LINGO2: variants seen among roughly 807,000 people sequenced by gnomAD.
The protein encoded by LINGO2 is leucine rich repeat and Ig domain containing 2, also known as leucine-rich repeat and immunoglobulin-like domain-containing nogo receptor-interacting protein 2.
A neutral mutation model predicts 30.6 loss-of-function variants in LINGO2; 14 were observed. The ratio of observed to expected loss-of-function variants is 0.46; its 90% CI spans 0.30 to 0.72. The LOEUF (loss-of-function observed/expected upper bound fraction) is 0.72. LINGO2 is among the 30% of genes least tolerant of loss of function. The probability of loss-of-function intolerance (pLI) is 0.07; values close to 1 mark genes in which losing one functional copy is unlikely to be tolerated. For synonymous variants in LINGO2, 317 were observed against 288.5 expected (o/e 1.10, Z -1.00); for missense variants, 729 against 751.7 (o/e 0.97, Z 0.35).
At chr9:28,882,819 T>C in the LINGO2 span, among the ~76,000 whole-genome samples, 1 of 152,120 alleles carries the variant, frequency 6.6e-6, no homozygotes, top group African/African-American at 2.4e-5. Flanking sequence ...TAATTTTCAT[T>C]CCCTAAATGT....
chr9:28,539,447 C>G (rs1821581138), intron 1 of LINGO2, among the ~76,000 whole-genome samples: 1 of 151,914 alleles, frequency 6.6e-6, no homozygotes, highest in Non-Finnish European at 1.5e-5. Flanking sequence ...TAAATGAACA[C>G]ACATTATGTT....
At chr9:28,238,150 A>AG (rs1821647171) in intron 4 of LINGO2, among the ~76,000 whole-genome samples, 1 of 144,524 alleles carries the variant, frequency 6.9e-6, no homozygotes. Flanking sequence ...TATTAGAACT[A>AG]AAGAGAGAGA....
the LINGO2 span, among the ~76,000 whole-genome samples, chr9:28,717,452 G>A: frequency 1.3e-5 from 2 of 151,956 alleles, no homozygotes; most frequent in African/African-American, 4.8e-5. Flanking sequence ...TGAGGTAAGT[G>A]GAGATAGGGA....
At position 28,330,080 on chromosome 9, in the gene LINGO2, C is replaced by T. The variant is rs12238588; in HGVS notation, c.-245-34714G>A. On this transcript the variant is annotated intron_variant, in intron 3 of 5. Coordinates refer to ENST00000379992, the Ensembl canonical transcript of LINGO2. ...AATCAGGTCATGAGAATGGCACCCTCATGATGGAATTAGTAACTTTATAAG... is the reference window on the plus strand; with the variant it reads ...AATCAGGTCATGAGAATGGCACCCTTATGATGGAATTAGTAACTTTATAAG... Among the ~76,000 whole-genome samples the T allele has an allele frequency of 5.8e-3, 882 of 152,178 alleles. 56 individuals are homozygous for T. In the East Asian group the frequency reaches 0.14, roughly 23 times the overall value.
At chr9:28,884,244 T>C in the LINGO2 span, among the ~76,000 whole-genome samples, 1 of 152,180 alleles carries the variant, frequency 6.6e-6, no homozygotes, top group Non-Finnish European at 1.5e-5. Flanking sequence ...CAGTCTGCTC[T>C]TTTTTCCAAA....
chr9:28,951,574 C>T, the LINGO2 span, among the ~76,000 whole-genome samples: 9 of 152,220 alleles, frequency 5.9e-5, no homozygotes, highest in East Asian at 1.9e-4. Flanking sequence ...CCAGGTGGCT[C>T]GTATCCCATC....
intron 5 of LINGO2, among the ~76,000 whole-genome samples, chr9:27,981,680 T>C (rs746367570): frequency 2.6e-5 from 4 of 151,568 alleles, no homozygotes; most frequent in South Asian, 2.1e-4. Context: ...AGAGCAGATC[T>C]TCATTGTCCA....
intron 5 of LINGO2, among the ~76,000 whole-genome samples, chr9:28,000,601 C>T (rs542664509): frequency 1.3e-5 from 2 of 152,270 alleles, no homozygotes; most frequent in South Asian, 2.1e-4. Flanking sequence ...ATTCCTGACA[C>T]CATATTCAAT....
chr9:28,304,193 T>C (rs1824254386), intron 3 of LINGO2, among the ~76,000 whole-genome samples: 1 of 151,406 alleles, frequency 6.6e-6, no homozygotes. Context: ...AAAAAATCCT[T>C]ACTGATACAG....
At chr9:28,160,879 C>G (rs1278018214) in intron 4 of LINGO2, among the ~76,000 whole-genome samples, 1 of 152,136 alleles carries the variant, frequency 6.6e-6, no homozygotes, top group Admixed American at 6.6e-5. Context: ...CTTAGCTACT[C>G]TTGCCCACCA....
the LINGO2 span, among the ~76,000 whole-genome samples, chr9:28,909,391 T>C: frequency 6.6e-6 from 1 of 151,998 alleles, no homozygotes; most frequent in African/African-American, 2.4e-5. Context: ...AAAGTAATTC[T>C]ATAATGTAGA....
At chr9:29,195,814 T>C in the LINGO2 span, among the ~76,000 whole-genome samples, 1 of 152,160 alleles carries the variant, frequency 6.6e-6, no homozygotes, top group African/African-American at 2.4e-5. Context: ...TGCAGTCCTG[T>C]GTTATAAAAA....
chr9:28,271,171 C>A lies in LINGO2; in HGVS notation c.-87+24037G>T, dbSNP rs550224528. The stretch of plus-strand genomic sequence containing the variant: ...AAGAAAAAAGTAAAAAAAAAAAACA[C>A]AAAAAACTTAGAACTTTGTAATTTA... On this transcript the variant is annotated intron_variant, in intron 4 of 5. Coordinates refer to ENST00000379992, the Ensembl canonical transcript of LINGO2. 5.3e-5 allele frequency among the ~76,000 whole-genome samples: 8 copies of A among 151,070 alleles called. No homozygotes were observed. In the East Asian group the frequency reaches 5.8e-4, roughly 11 times the overall value.
intron 1 of LINGO2, among the ~76,000 whole-genome samples, chr9:28,556,552 G>A (rs547903653): frequency 2.0e-5 from 3 of 151,992 alleles, no homozygotes; most frequent in African/African-American, 4.8e-5. Context: ...AATCAATATC[G>A]TGAAAATGGC....
intron 3 of LINGO2, among the ~76,000 whole-genome samples, chr9:28,354,956 T>G (rs1820108522): frequency 6.6e-6 from 1 of 152,138 alleles, no homozygotes; most frequent in African/African-American, 2.4e-5. Context: ...TACTGAAAAC[T>G]GGAGCCTTTT....
intron 5 of LINGO2, among the ~76,000 whole-genome samples, chr9:27,970,734 C>A (rs1233967468): frequency 1.3e-5 from 2 of 152,066 alleles, no homozygotes; most frequent in African/African-American, 4.8e-5. Flanking sequence ...TTCTTATCAA[C>A]ATTGTTCTAA....
intron 2 of LINGO2, among the ~76,000 whole-genome samples, chr9:28,462,749 A>T: frequency 6.6e-6 from 1 of 152,084 alleles, no homozygotes; most frequent in East Asian, 1.9e-4. Context: ...CACAATTTTA[A>T]AAACAAGGAA....
the LINGO2 span, among the ~76,000 whole-genome samples, chr9:28,987,374 T>C: frequency 8.5e-4 from 129 of 152,178 alleles, no homozygotes; most frequent in Non-Finnish European, 1.6e-3. Flanking sequence ...TGTATTTCTG[T>C]GCTATCAACT....
At chr9:28,679,881 A>G in the LINGO2 span, among the ~76,000 whole-genome samples, 1 of 152,020 alleles carries the variant, frequency 6.6e-6, no homozygotes, top group Non-Finnish European at 1.5e-5. Context: ...ACACTGTGGA[A>G]TGGCTAATGT....
Sources: allele counts gnomAD v4.1 joint callset (sites outside exome capture counted in the v4.1 genomes callset), GRCh38; gene constraint gnomAD v4.1.1; transcripts MANE v1.5; gene names NCBI Gene and HGNC (gene_info 2026-07-23, HGNC 2026-07-21).